PDE1C: variants seen among roughly 807,000 people sequenced by gnomAD.
The protein encoded by PDE1C is phosphodiesterase 1C.
In PDE1C, 62 loss-of-function variants were observed where a neutral mutation model predicts 93.1. That is an observed-to-expected ratio of 0.67 (90% CI 0.54 to 0.82). The LOEUF is 0.82. Ranked by LOEUF, PDE1C falls within the 40% of genes least tolerant of loss-of-function variation. The probability of loss-of-function intolerance (pLI) is 0.00; values close to 1 mark genes in which losing one functional copy is unlikely to be tolerated. For synonymous variants in PDE1C, 325 were observed against 310.1 expected (o/e 1.05, Z -0.50); for missense variants, 742 against 884.6 (o/e 0.84, Z 2.04).
intron 3 of PDE1C, among the ~76,000 whole-genome samples, chr7:32,161,742 G>T (rs1801937048): frequency 6.6e-6 from 1 of 152,154 alleles, no homozygotes; most frequent in Non-Finnish European, 1.5e-5. Context: ...GGGTGAGTTA[G>T]GTGGAAGCTC....
chr7:31,813,354 G>A (rs1205029028), intron 15 of PDE1C, among the ~76,000 whole-genome samples: 2 of 152,140 alleles, frequency 1.3e-5, no homozygotes, highest in African/African-American at 4.8e-5. Context: ...GCCTGCCAGG[G>A]TGCTGGGGTG....
intron 2 of PDE1C, among the ~76,000 whole-genome samples, chr7:31,899,603 G>T (rs1312764016): frequency 6.6e-6 from 1 of 152,132 alleles, no homozygotes; most frequent in African/African-American, 2.4e-5. Flanking sequence ...TATGAGAAGG[G>T]TGTTGAAATC....
At chr7:32,093,083 G>A (rs533967675) in intron 3 of PDE1C, among the ~76,000 whole-genome samples, 3 of 152,232 alleles carry the variant, frequency 2.0e-5, no homozygotes, top group Admixed American at 1.3e-4. Flanking sequence ...AGAACAAGAC[G>A]ATCACCCTAT....
chr7:31,623,548 T>G, the PDE1C span, among the ~76,000 whole-genome samples: 5 of 151,586 alleles, frequency 3.3e-5, no homozygotes, highest in African/African-American at 1.2e-4. Flanking sequence ...TTGACAAAAT[T>G]CAACAACCCT....
intron 2 of PDE1C, among the ~76,000 whole-genome samples, chr7:31,977,726 A>G (rs1485373386): frequency 6.6e-6 from 1 of 152,202 alleles, no homozygotes; most frequent in Non-Finnish European, 1.5e-5. Flanking sequence ...CTTTAGAACA[A>G]GGATCTTATC....
Position 31,816,151 on chromosome 7 carries a change from T to C in PDE1C, c.1586A>G (p.Glu529Gly), listed in dbSNP as rs1562854215. 6.2e-7 allele frequency: 1 copy of C among 1,612,408 alleles called. No homozygotes were observed. The highest frequency in any genetic ancestry group is 8.5e-7 in the Non-Finnish European group (1 of 1,179,440). ...TTCCTCTGCTTCCTTCTTGGCCTTC[T>C]CCTCTGCATCCATGGCAAGTTGGGA... Reference protein sequence around the residue: ...ERWRAKVPKEEKAKKEAEEKA... With the variant: ...ERWRAKVPKEGKAKKEAEEKA... Residue 529 changes from glutamate (E) to glycine (G), a missense_variant, in exon 15 of 18, where the codon GAG becomes GGG. By Grantham distance (98) the Glu-to-Gly change is moderately conservative (BLOSUM62 -2). Around this residue, in one of 4 missense-constraint regions of PDE1C, gnomAD observed 454 missense variants for 459.4 expected, o/e 0.99. Transcript: ENST00000396191.
intron 2 of PDE1C, among the ~76,000 whole-genome samples, chr7:32,181,972 C>A (rs1435583907): frequency 6.6e-6 from 1 of 152,072 alleles, no homozygotes; most frequent in Non-Finnish European, 1.5e-5. Flanking sequence ...GGGGATATCA[C>A]CACCAATCCC....
intron 2 of PDE1C, among the ~76,000 whole-genome samples, chr7:32,026,603 A>G (rs1789470036): frequency 1.3e-5 from 2 of 152,150 alleles, no homozygotes; most frequent in South Asian, 4.1e-4. Context: ...AGCCACTTTA[A>G]AAGACAGTTT....
the PDE1C span, among the ~76,000 whole-genome samples, chr7:31,666,778 T>G: frequency 1.3e-5 from 2 of 151,924 alleles, no homozygotes; most frequent in Non-Finnish European, 2.9e-5. Flanking sequence ...ATACTCAGTT[T>G]TAAATCCAGC....
the PDE1C span, chr7:31,653,061 T>G: frequency 9.3e-7 from 1 of 1,073,082 alleles, no homozygotes. Flanking sequence ...CAACAGTGAC[T>G]AAATAGTATA....
intron 3 of PDE1C, among the ~76,000 whole-genome samples, chr7:32,129,163 CT>C (rs1799776994): frequency 6.6e-6 from 1 of 151,020 alleles, no homozygotes; most frequent in South Asian, 2.1e-4. Flanking sequence ...TAAAATATCA[CT>C]GTCAAGACTG....
intron 3 of PDE1C, among the ~76,000 whole-genome samples, chr7:32,150,638 G>T (rs1049135088): frequency 1.3e-5 from 2 of 152,166 alleles, no homozygotes; most frequent in Non-Finnish European, 2.9e-5. Context: ...TCCACCACTT[G>T]AGAGCTAAGT....
the PDE1C span, among the ~76,000 whole-genome samples, chr7:31,691,797 TA>T: frequency 0.15 from 12,653 of 86,448 alleles, 641 homozygotes; most frequent in East Asian, 0.2. Context: ...ATGTAATGAT[TA>T]AAAAAAAAAA....
At chr7:31,996,685 G>T (rs1408125881) in intron 2 of PDE1C, among the ~76,000 whole-genome samples, 1 of 152,160 alleles carries the variant, frequency 6.6e-6, no homozygotes, top group Admixed American at 6.5e-5. Context: ...TTGCTTAAAT[G>T]GATCCAACAT....
the PDE1C span, among the ~76,000 whole-genome samples, chr7:31,717,510 G>A: frequency 6.6e-6 from 1 of 152,168 alleles, no homozygotes; most frequent in East Asian, 1.9e-4. Flanking sequence ...CATCTCATCA[G>A]TGGACAGAGA....
intron 2 of PDE1C, among the ~76,000 whole-genome samples, chr7:31,978,426 T>A (rs570168082): frequency 1.1e-4 from 17 of 152,328 alleles, no homozygotes; most frequent in African/African-American, 4.1e-4. Context: ...ATTGGTCTTT[T>A]CAGAAAGCTG....
intron 1 of PDE1C, among the ~76,000 whole-genome samples, chr7:32,377,335 T>G (rs1300289174): frequency 1.3e-5 from 2 of 152,232 alleles, no homozygotes; most frequent in Admixed American, 6.5e-5. Context: ...CAAAGCACTT[T>G]GTTCATACCA....
intron 16 of PDE1C, among the ~76,000 whole-genome samples, chr7:31,779,207 G>A (rs553658876): frequency 6.6e-6 from 1 of 152,050 alleles, no homozygotes; most frequent in Non-Finnish European, 1.5e-5. Flanking sequence ...TCCTTTTGTC[G>A]AACTAACGAA....
the PDE1C span, chr7:31,695,384 C>G: frequency 7.9e-7 from 1 of 1,268,986 alleles, no homozygotes; most frequent in East Asian, 2.4e-5. Context: ...GTCCTGTCAT[C>G]AAGTGCAATT....
Sources: gnomAD v4.1 joint callset for allele counts (sites outside exome capture counted in the v4.1 genomes callset) on GRCh38, gnomAD v4.1.1 for gene constraint, gnomAD v4.1.1 regional missense constraint, MANE v1.5 for transcripts, NCBI Gene and HGNC (gene_info 2026-07-23, HGNC 2026-07-21) for gene names.